MGMT: variants seen among roughly 807,000 people sequenced by gnomAD.
MGMT encodes O-6-methylguanine-DNA methyltransferase, also known as methylated-DNA--protein-cysteine methyltransferase.
In MGMT, 14 loss-of-function variants were observed where a neutral mutation model predicts 15.9. The ratio of observed to expected loss-of-function variants is 0.88; its 90% CI spans 0.58 to 1.37. MGMT has a LOEUF of 1.37. Among genes scored for constraint, MGMT ranks in the 40% most tolerant of loss-of-function variants. The pLI, the probability that MGMT is intolerant of heterozygous loss-of-function variation, is 0.00. For missense variants in MGMT, 282 were observed against 268.1 expected, an observed-to-expected ratio of 1.05 and a Z score of -0.36; for synonymous variants, 130 against 118.2, an observed-to-expected ratio of 1.10 and a Z score of -0.65.
chr10:129,725,005 G>GGACC (rs1848415647), intron 3 of MGMT, among the ~76,000 whole-genome samples: 1 of 152,180 alleles, frequency 6.6e-6, no homozygotes. Flanking sequence ...AATTGTCAGT[G>GGACC]GACCTCCCGG....
At chr10:129,753,087 A>T (rs371032730) in intron 3 of MGMT, among the ~76,000 whole-genome samples, 51 of 152,308 alleles carry the variant, frequency 3.3e-4, no homozygotes, top group African/African-American at 1.2e-3. Flanking sequence ...AGGATTCTTA[A>T]ACATCGGATA....
At chr10:129,583,502 AGTGAG>A (rs1284719030) in intron 2 of MGMT, among the ~76,000 whole-genome samples, 1 of 152,232 alleles carries the variant, frequency 6.6e-6, no homozygotes, top group Non-Finnish European at 1.5e-5. Flanking sequence ...GGTAGAAGAT[AGTGAG>A]GCTGACTTCC....
intron 1 of MGMT, among the ~76,000 whole-genome samples, chr10:129,488,038 CACAT>C (rs1281080422): frequency 4.7e-4 from 69 of 147,466 alleles, no homozygotes; most frequent in Non-Finnish European, 2.2e-4. Context: ...CACACACACA[CACAT>C]GAATATACCT....
Position 129,631,390 on chromosome 10 carries a change from C to G in MGMT, c.126-76505C>G, listed in dbSNP as rs1462571625. On this transcript the variant is annotated intron_variant, in intron 2 of 4. Coordinates refer to ENST00000651593, the MANE Select transcript of MGMT (RefSeq NM_002412.5). ...GAGACAGAAGAATGAAGGACTCTTA[C>G]AATGTAAACTTCTGGAAATCATACT... 2.0e-5 allele frequency among the ~76,000 whole-genome samples: 3 copies of G among 152,136 alleles called. No individual in the cohort carries two copies. The South Asian group carries it at 6.2e-4, about 31-fold the overall frequency.
At chr10:129,587,406 C>T (rs1018263032) in intron 2 of MGMT, among the ~76,000 whole-genome samples, 3 of 146,944 alleles carry the variant, frequency 2.0e-5, no homozygotes, top group African/African-American at 7.6e-5. Flanking sequence ...GCCTAATATG[C>T]TTTGAATGTC....
intron 3 of MGMT, among the ~76,000 whole-genome samples, chr10:129,729,463 GT>G (rs1476539232): frequency 6.6e-6 from 1 of 152,154 alleles, no homozygotes; most frequent in Non-Finnish European, 1.5e-5. Flanking sequence ...CGTGCCTCTC[GT>G]CCTCATTTGA....
chr10:129,520,429 C>G (rs1268680942), intron 1 of MGMT, among the ~76,000 whole-genome samples: 1 of 152,110 alleles, frequency 6.6e-6, no homozygotes, highest in African/African-American at 2.4e-5. Flanking sequence ...CGTGCGCATA[C>G]AGAGCCCCTA....
At chr10:129,687,328 C>T (rs1375431268) in intron 2 of MGMT, among the ~76,000 whole-genome samples, 1 of 152,122 alleles carries the variant, frequency 6.6e-6, no homozygotes. Context: ...AGCAGTCTCT[C>T]ATAGCCCGAC....
intron 2 of MGMT, among the ~76,000 whole-genome samples, chr10:129,549,262 G>A (rs148781268): frequency 4.6e-5 from 7 of 152,120 alleles, no homozygotes; most frequent in Non-Finnish European, 7.3e-5. Flanking sequence ...CATATTAAAG[G>A]CATAATTAAT....
chr10:129,698,358 T>C (rs1296734801), intron 2 of MGMT, among the ~76,000 whole-genome samples: 1 of 152,114 alleles, frequency 6.6e-6, no homozygotes, highest in African/African-American at 2.4e-5. Context: ...TGGCTTCTTC[T>C]CTAGGGCTGG....
chr10:129,649,789 A>G (rs1400070629), intron 2 of MGMT, among the ~76,000 whole-genome samples: 1 of 152,264 alleles, frequency 6.6e-6, no homozygotes, highest in Non-Finnish European at 1.5e-5. Flanking sequence ...AATACAAGAT[A>G]GCAAAAGTTA....
intron 2 of MGMT, among the ~76,000 whole-genome samples, chr10:129,542,743 G>A (rs1360410988): frequency 2.6e-5 from 4 of 152,272 alleles, no homozygotes; most frequent in African/African-American, 7.2e-5. Context: ...TATAGAAATC[G>A]TCTGTTTTTC....
chr10:129,695,331 C>T (rs975355575), intron 2 of MGMT, among the ~76,000 whole-genome samples: 1 of 152,220 alleles, frequency 6.6e-6, no homozygotes, highest in Non-Finnish European at 1.5e-5. Flanking sequence ...AAAAACTCCA[C>T]TGTGTTTCAT....
chr10:129,606,081 G>A (rs1272357992), intron 2 of MGMT, among the ~76,000 whole-genome samples: 2 of 152,140 alleles, frequency 1.3e-5, no homozygotes, highest in African/African-American at 2.4e-5. Context: ...GTAAAACAAC[G>A]TAGTATTCAT....
At chr10:129,506,862 G>A (rs567140944) in intron 1 of MGMT, among the ~76,000 whole-genome samples, 1 of 152,244 alleles carries the variant, frequency 6.6e-6, no homozygotes, top group South Asian at 2.1e-4. Flanking sequence ...CTTAGTCCTT[G>A]GATTTGGATG....
At chr10:129,477,716 C>T (rs1845311184) in intron 1 of MGMT, among the ~76,000 whole-genome samples, 1 of 152,150 alleles carries the variant, frequency 6.6e-6, no homozygotes, top group Non-Finnish European at 1.5e-5. Context: ...GCCTCCAGAA[C>T]CGTGAGAAGA....
At chr10:129,582,650 T>C (rs954377291) in intron 2 of MGMT, among the ~76,000 whole-genome samples, 1 of 152,190 alleles carries the variant, frequency 6.6e-6, no homozygotes, top group Non-Finnish European at 1.5e-5. Flanking sequence ...GGTGATCTTG[T>C]GCTTTAGGAT....
At chr10:129,681,817 A>G (rs1589933728) in intron 2 of MGMT, among the ~76,000 whole-genome samples, 1 of 152,234 alleles carries the variant, frequency 6.6e-6, no homozygotes, top group African/African-American at 2.4e-5. Flanking sequence ...ACCGAGGAAC[A>G]ACTGTATTTG....
intron 2 of MGMT, among the ~76,000 whole-genome samples, chr10:129,695,967 A>G (rs1347092470): frequency 6.6e-6 from 1 of 152,060 alleles, no homozygotes; most frequent in Non-Finnish European, 1.5e-5. Flanking sequence ...ACTGGCTTCC[A>G]TTTCCCAGGA....
Sources: allele counts gnomAD v4.1 joint callset (sites outside exome capture counted in the v4.1 genomes callset), GRCh38; gene constraint gnomAD v4.1.1; transcripts MANE v1.5; gene names NCBI Gene and HGNC (gene_info 2026-07-23, HGNC 2026-07-21).